LY6G6F: variants seen among roughly 807,000 people sequenced by gnomAD.
LY6G6F encodes the protein lymphocyte antigen 6 complex locus protein G6f.
LY6G6F carries 26 observed loss-of-function variants against 33.0 expected under a neutral mutation model. The ratio of observed to expected loss-of-function variants is 0.79; its 90% CI spans 0.58 to 1.09. The LOEUF (loss-of-function observed/expected upper bound fraction) is 1.09, where lower values mean the gene tolerates loss of function less well. Among genes scored for constraint, LY6G6F ranks in the 50% least tolerant of loss-of-function variants. LY6G6F has a pLI of 0.00. For missense variants in LY6G6F, 317 were observed against 372.0 expected, an observed-to-expected ratio of 0.85 and a Z score of 1.22; for synonymous variants, 132 against 148.1, an observed-to-expected ratio of 0.89 and a Z score of 0.79.
rs1583762864 is a variant in LY6G6F, at chr6:31,708,042, C to T, written c.554C>T (p.Pro185Leu). The T allele has an allele frequency of 6.2e-7, 1 of 1,612,338 alleles. No homozygotes were observed. Among genetic ancestry groups the T allele is most frequent in the Non-Finnish European group, 8.5e-7 (1 of 1,179,684 alleles). The change falls in exon 3 of 6, where the codon CCT (proline) becomes CTT (leucine). Residue 185 changes from proline (P) to leucine (L), a missense_variant. Pro to Leu is a moderately conservative substitution (Grantham distance 98). Coordinates refer to ENST00000375832, the MANE Select transcript of LY6G6F (RefSeq NM_001003693.3). ...GAGGCTGCCCTGCTCTTGGTGTGTC[C>T]TGGGGAGGGGCTTTCTGAGCCCAGG... ...GSEAALLLVC[P>L]GEGLSEPRSR...
chr6:31,707,477 T>C lies in LY6G6F; in HGVS notation c.72T>C (p.Tyr24=). Residue 24 remains tyrosine (Y), a synonymous_variant, in exon 2 of 6, where the codon TAT becomes TAC. Coordinates refer to ENST00000375832, the MANE Select transcript of LY6G6F (RefSeq NM_001003693.3). The surrounding 1 kb of genome is among the most constrained non-coding windows in gnomAD (Gnocchi z 4.1). ...PQAADNMQAI[Y]VALGEAVELP... is the part of the protein sequence containing the mutation. ...CCACAGACAACATGCAGGCCATCTA[T>C]GTGGCCTTGGGGGAGGCAGTAGAGC... 1 of 1,613,996 alleles carries C rather than the reference T, an allele frequency of 6.2e-7. No homozygotes were observed. The highest frequency in any genetic ancestry group is 8.5e-7 in the Non-Finnish European group (1 of 1,179,876).
rs896446606 is a variant in LY6G6F, at chr6:31,708,210, C to G, written c.646+76C>G. 8 of 1,483,886 alleles carry G rather than the reference C, an allele frequency of 5.4e-6. No individual in the cohort carries two copies. The African/African-American group carries it at 7.1e-5, about 13-fold the overall frequency. The allele number at this position is 1,483,886 out of a possible 1,614,324, so 91.9% of individuals were successfully genotyped here. Reference sequence around the variant, plus strand: ...AAGTAGCTGGAATTACAGGCGCCCGCCACCATGCCTGGATAATTTTTTGTA... The same window carrying G: ...AAGTAGCTGGAATTACAGGCGCCCGGCACCATGCCTGGATAATTTTTTGTA... On this transcript the variant is annotated intron_variant, in intron 3 of 5. Transcript: ENST00000375832.
Position 31,710,019 on chromosome 6 carries a change from A to G in LY6G6F, c.647-7A>G, listed in dbSNP as rs750410611. ...CTCCCATCCCTCTGGTCTGGCCCTT[A>G]CTACAGCCTCCATCGATGCTTCTCC... On this transcript the variant is annotated splice_region_variant and splice_polypyrimidine_tract_variant and intron_variant, in intron 3 of 5. Transcript: ENST00000375832. The surrounding 1 kb of genome is among the most constrained non-coding windows in gnomAD (Gnocchi z 4.7). The G allele has an allele frequency of 5.6e-6, 9 of 1,610,502 alleles. No individual in the cohort carries two copies. The highest frequency in any genetic ancestry group is 7.6e-6 in the Non-Finnish European group (9 of 1,178,528).
intron 3 of LY6G6F, 118 bp downstream of exon 3, chr6:31,708,252 G>T: frequency 7.7e-7 from 1 of 1,300,954 alleles, no homozygotes. Context: ...GTAGAGACGA[G>T]ATTTCACCAT....
chr6:31,708,014 A>G lies in LY6G6F; in HGVS notation c.526A>G (p.Ser176Gly). 2.5e-6 allele frequency: 4 copies of G among 1,613,108 alleles called. No individual in the cohort carries two copies. Among genetic ancestry groups the G allele is most frequent in the Non-Finnish European group, 3.4e-6 (4 of 1,180,018 alleles). ...VRGRVQSFWG[S>G]EAALLLVCPG... Reference sequence around the variant, plus strand: ...GGGCCGTGTTCAGTCCTTCTGGGGCAGTGAGGCTGCCCTGCTCTTGGTGTG... The same window carrying G: ...GGGCCGTGTTCAGTCCTTCTGGGGCGGTGAGGCTGCCCTGCTCTTGGTGTG... Residue 176 changes from serine (S) to glycine (G), a missense_variant, in exon 3 of 6, where the codon AGT becomes GGT. Ser to Gly is a moderately conservative substitution (Grantham distance 56). Coordinates refer to ENST00000375832, the MANE Select transcript of LY6G6F (RefSeq NM_001003693.3).
rs759982946 is a variant in LY6G6F, at chr6:31,708,003, C to A, written c.515C>A (p.Ser172Tyr). ...GKGPVRGRVQ[S>Y]FWGSEAALLL... is the part of the protein sequence containing the mutation. ...GGTCCCGTGAGGGGCCGTGTTCAGT[C>A]CTTCTGGGGCAGTGAGGCTGCCCTG... Residue 172 changes from serine to tyrosine, a missense_variant, in exon 3 of 6, where the codon TCC becomes TAC. Physicochemically the swap from Ser to Tyr is moderately radical, Grantham distance 144. Transcript: ENST00000375832. 6.2e-7 allele frequency: 1 copy of A among 1,613,108 alleles called. No homozygotes were observed. The highest frequency in any genetic ancestry group is 1.1e-5 in the South Asian group (1 of 91,088).
In LY6G6F at chr6:31,707,042, A is replaced by T. The variant is rs942625242; in HGVS notation, c.52+84A>T. ...GCTCTTTCTCCTAGGAGCCTGGCGAAGGCATCTGACTCAAGAAGATAGAAT... is the reference window on the plus strand; with the variant it reads ...GCTCTTTCTCCTAGGAGCCTGGCGATGGCATCTGACTCAAGAAGATAGAAT... On this transcript the variant is annotated intron_variant, in intron 1 of 5. Transcript: ENST00000375832. The surrounding 1 kb of genome is among the most constrained non-coding windows in gnomAD (Gnocchi z 4.1). The T allele has an allele frequency of 6.9e-7, 1 of 1,450,380 alleles. No individual in the cohort carries two copies. The highest frequency in any genetic ancestry group is 1.7e-5 in the Admixed American group (1 of 59,468). 89.8% of individuals were successfully genotyped at this position (1,450,380 alleles called of 1,614,324 possible). A position where few individuals can be genotyped will look rare whatever the true frequency, so the allele number is the denominator to read the frequency against.
Position 31,710,196 on chromosome 6 carries a change from C to A in LY6G6F, c.802+15C>A. The A allele has an allele frequency of 6.2e-7, 1 of 1,608,626 alleles. No individual in the cohort carries two copies. Among genetic ancestry groups the A allele is most frequent in the Non-Finnish European group, 8.5e-7 (1 of 1,176,826 alleles). On this transcript the variant is annotated intron_variant, in intron 4 of 5. Transcript: ENST00000375832. This position sits in a 1 kb window ranked among gnomAD's most constrained non-coding sequence, Gnocchi z 4.7. ...TCCAGGCAGAGGTGAGTCCCTCCCT[C>A]CCCGGGGAAAGAAGAGGGCACATGG... is the stretch of plus-strand genomic sequence containing the variant.
rs753683494 is a variant in LY6G6F at position 31,707,913 on chromosome 6, A to G, written c.425A>G (p.Asn142Ser). 1 of 1,613,486 alleles carries G rather than the reference A, an allele frequency of 6.2e-7. No individual in the cohort carries two copies. Among genetic ancestry groups the G allele is most frequent in the Non-Finnish European group, 8.5e-7 (1 of 1,180,002 alleles). ...SARAADGSPC[N>S]VLLCSVVPSR... ...AGGGCTGCAGATGGATCCCCCTGCAATGTCCTCCTGTGCTCTGTGGTCCCC... is the reference window on the plus strand; with the variant it reads ...AGGGCTGCAGATGGATCCCCCTGCAGTGTCCTCCTGTGCTCTGTGGTCCCC... The change falls in exon 3 of 6, where the codon AAT (asparagine) becomes AGT (serine). Residue 142 changes from asparagine (N) to serine (S), a missense_variant. Coordinates refer to ENST00000375832, the MANE Select transcript of LY6G6F (RefSeq NM_001003693.3). The surrounding 1 kb of genome is among the most constrained non-coding windows in gnomAD (Gnocchi z 4.1).
chr6:31,710,493 G>A lies in LY6G6F; in HGVS notation c.870-74G>A, dbSNP rs1290962321. The A allele has an allele frequency of 6.2e-7, 1 of 1,613,472 alleles. No homozygotes were observed. The highest frequency in any genetic ancestry group is 8.5e-7 in the Non-Finnish European group (1 of 1,179,532). On this transcript the variant is annotated intron_variant, in intron 5 of 5. Transcript: ENST00000375832. The surrounding 1 kb of genome is among the most constrained non-coding windows in gnomAD (Gnocchi z 4.7). ...ATGGAGAGGAAACACGGGTTGGGTTGGGGATGGGCCCTCGTTCCTGAGGAT... is the reference window on the plus strand; with the variant it reads ...ATGGAGAGGAAACACGGGTTGGGTTAGGGATGGGCCCTCGTTCCTGAGGAT...
intron 3 of LY6G6F, among the ~76,000 whole-genome samples, chr6:31,709,022 C>T (rs933469944): frequency 6.6e-6 from 1 of 151,164 alleles, no homozygotes; most frequent in Non-Finnish European, 1.5e-5. Context: ...GCCTCAGTCT[C>T]CCAAAGTGTT....
At position 31,707,110 on chromosome 6, in the gene LY6G6F, C is replaced by T. The variant is rs1463146440; in HGVS notation, c.52+152C>T. Reference sequence around the variant, plus strand: ...TCCTGCCTCTGACACTAGGGAAGACCCAGAGGCAACGAGGGTCCAGGTTAT... The same window carrying T: ...TCCTGCCTCTGACACTAGGGAAGACTCAGAGGCAACGAGGGTCCAGGTTAT... On this transcript the variant is annotated intron_variant, in intron 1 of 5. Coordinates refer to ENST00000375832, the MANE Select transcript of LY6G6F (RefSeq NM_001003693.3). This position sits in a 1 kb window ranked among gnomAD's most constrained non-coding sequence, Gnocchi z 4.1. 3.8e-6 allele frequency: 3 copies of T among 785,702 alleles called. No homozygotes were observed. The highest frequency in any genetic ancestry group is 6.4e-6 in the Non-Finnish European group (3 of 469,036). 48.7% of individuals were successfully genotyped at this position (785,702 alleles called of 1,614,324 possible).
chr6:31,710,407 G>C lies in LY6G6F; in HGVS notation c.858G>C (p.Leu286Phe), dbSNP rs116567866. ...TCCAGGTCTATGAGAACATCCATTT[G>C]GCCCGTCTTGGGTGAGGAACAGCTA... ...PEIQVYENIH[L>F]ARLGPPAHKP... The change falls in exon 5 of 6, where the codon TTG becomes TTC. Residue 286 changes from leucine (L) to phenylalanine (F), a missense_variant. Transcript: ENST00000375832. The surrounding 1 kb of genome is among the most constrained non-coding windows in gnomAD (Gnocchi z 4.7). The C allele has an allele frequency of 3.3e-4, 530 of 1,614,148 alleles. 1 individual carries two copies. In the African/African-American group the frequency reaches 6.7e-3, roughly 20 times the overall value.
chr6:31,707,421 T>G lies in LY6G6F; in HGVS notation c.53-37T>G. The G allele has an allele frequency of 3.2e-6, 5 of 1,574,662 alleles. No homozygotes were observed. The highest frequency in any genetic ancestry group is 3.5e-6 in the Non-Finnish European group (4 of 1,148,244). On this transcript the variant is annotated intron_variant, in intron 1 of 5. Coordinates refer to ENST00000375832, the MANE Select transcript of LY6G6F (RefSeq NM_001003693.3). This position sits in a 1 kb window ranked among gnomAD's most constrained non-coding sequence, Gnocchi z 4.1. ...ATCAAATGGGGGGTTATTGATCTGA[T>G]GGAGGTCTCTGGCCTCATACAACCC...
rs1805916624 is a variant in LY6G6F, at chr6:31,710,110, G to T, written c.731G>T (p.Gly244Val). Residue 244 changes from glycine to valine, a missense_variant, in exon 4 of 6, where the codon GGC (glycine) becomes GTC (valine). By Grantham distance (109) the Gly-to-Val change is moderately radical (BLOSUM62 -3). Transcript: ENST00000375832. This position sits in a 1 kb window ranked among gnomAD's most constrained non-coding sequence, Gnocchi z 4.7. ...ATTCTGATGCTGCTGCTCACAATGGGCCAGGGAGTTGTCATCCTGGCCCTC... is the reference window on the plus strand; with the variant it reads ...ATTCTGATGCTGCTGCTCACAATGGTCCAGGGAGTTGTCATCCTGGCCCTC... Reference protein sequence around the residue: ...PWILMLLLTMGQGVVILALSI... With the variant: ...PWILMLLLTMVQGVVILALSI... 2 of 1,612,908 alleles carry T rather than the reference G, an allele frequency of 1.2e-6. No individual in the cohort carries two copies. The highest frequency in any genetic ancestry group is 1.3e-5 in the African/African-American group (1 of 74,914).
At chr6:31,709,529 A>G (rs1805870196) in intron 3 of LY6G6F, among the ~76,000 whole-genome samples, 1 of 151,930 alleles carries the variant, frequency 6.6e-6, no homozygotes, top group Non-Finnish European at 1.5e-5. Context: ...AAGTGCTGGG[A>G]TTACAGGTGT....
At chr6:31,708,381 CT>C (rs1805778358) in intron 3 of LY6G6F, among the ~76,000 whole-genome samples, 1 of 151,910 alleles carries the variant, frequency 6.6e-6, no homozygotes, top group Non-Finnish European at 1.5e-5. Context: ...GAGACAGGAT[CT>C]TGCTATGTTG....
chr6:31,708,028 G>A lies in LY6G6F; in HGVS notation c.540G>A (p.Leu180=). The A allele has an allele frequency of 1.2e-6, 2 of 1,613,058 alleles. No individual in the cohort carries two copies. The highest frequency in any genetic ancestry group is 3.3e-4 in the Middle Eastern group (2 of 6,060). ...VQSFWGSEAA[L]LLVCPGEGLS... is the part of the protein sequence containing the mutation. ...CCTTCTGGGGCAGTGAGGCTGCCCT[G>A]CTCTTGGTGTGTCCTGGGGAGGGGC... The change falls in exon 3 of 6, where the codon CTG becomes CTA. Residue 180 remains leucine (L), a synonymous_variant. Coordinates refer to ENST00000375832, the MANE Select transcript of LY6G6F (RefSeq NM_001003693.3).
In LY6G6F at chr6:31,708,008, T is replaced by C; in HGVS notation, c.520T>C (p.Trp174Arg). The C allele has an allele frequency of 6.2e-7, 1 of 1,613,074 alleles. No homozygotes were observed. Among genetic ancestry groups the C allele is most frequent in the Non-Finnish European group, 8.5e-7 (1 of 1,180,026 alleles). Residue 174 changes from tryptophan to arginine, a missense_variant, in exon 3 of 6, where the codon TGG (tryptophan) becomes CGG (arginine). Physicochemically the swap from Trp to Arg is moderately radical, Grantham distance 101. Transcript: ENST00000375832. ...GPVRGRVQSF[W>R]GSEAALLLVC... ...CGTGAGGGGCCGTGTTCAGTCCTTC[T>C]GGGGCAGTGAGGCTGCCCTGCTCTT... is the stretch of plus-strand genomic sequence containing the variant.
Sources: allele counts gnomAD v4.1 joint callset (sites outside exome capture counted in the v4.1 genomes callset), GRCh38; gene constraint gnomAD v4.1.1; non-coding constraint Gnocchi (gnomAD v3.1); transcripts MANE v1.5; gene names NCBI Gene and HGNC (gene_info 2026-07-23, HGNC 2026-07-21).